Variants in DNAH7 observed in about 807,000 individuals in gnomAD.
DNAH7 encodes dynein axonemal heavy chain 7, also known as axonemal beta dynein heavy chain 7.
In DNAH7, 397 loss-of-function variants were observed where a neutral mutation model predicts 444.6. The observed-to-expected ratio is 0.89, with a 90% confidence interval of 0.82 to 0.97. The LOEUF is 0.97. Ranked by LOEUF, DNAH7 falls within the 50% of genes least tolerant of loss-of-function variation. The probability of loss-of-function intolerance (pLI) is 0.00; values close to 1 mark genes in which losing one functional copy is unlikely to be tolerated. For missense variants in DNAH7, 4,902 were observed against 4,800.8 expected, an observed-to-expected ratio of 1.02 and a Z score of -0.62; for synonymous variants, 1,636 against 1,624.4, an observed-to-expected ratio of 1.01 and a Z score of -0.17.
Position 195,906,933 on chromosome 2 carries a change from G to A in DNAH7, c.4181C>T (p.Ala1394Val). The A allele has an allele frequency of 1.2e-6, 2 of 1,612,922 alleles. No homozygotes were observed. The highest frequency in any genetic ancestry group is 2.2e-5 in the South Asian group (2 of 90,992). Reference sequence around the variant, plus strand: ...TCTTTGGATAGTAAGGATTTGTTGAGCAACCACAGAGAGTACTTCCAAATC... The same window carrying A: ...TCTTTGGATAGTAAGGATTTGTTGAACAACCACAGAGAGTACTTCCAAATC... ...RIDLEVLSVV[A>V]QQILTIQRGI... is the part of the protein sequence containing the mutation. The change falls in exon 26 of 65, where the codon GCT becomes GTT. Residue 1394 changes from alanine (A) to valine (V), a missense_variant. Coordinates refer to ENST00000312428, the MANE Select transcript of DNAH7 (RefSeq NM_018897.3).
intron 33 of DNAH7, 46 bp from the exon 34 acceptor site, chr2:195,886,318 A>G: frequency 6.5e-7 from 1 of 1,527,162 alleles, no homozygotes; most frequent in South Asian, 1.2e-5. Context: ...AAATTAGGTA[A>G]TAGCTAAAAT....
chr2:195,825,739 G>C (rs906801947), intron 48 of DNAH7, among the ~76,000 whole-genome samples: 12 of 152,296 alleles, frequency 7.9e-5, no homozygotes, highest in African/African-American at 2.9e-4. Flanking sequence ...TTGGATGATG[G>C]CATTTTGTAG....
At chr2:195,873,358 G>A (rs1171444846) in intron 39 of DNAH7, among the ~76,000 whole-genome samples, 1 of 152,088 alleles carries the variant, frequency 6.6e-6, no homozygotes, top group Admixed American at 6.5e-5. Flanking sequence ...TAACTCAAAC[G>A]TGAACATATT....
intron 63 of DNAH7, among the ~76,000 whole-genome samples, chr2:195,746,117 G>C (rs958727079): frequency 6.6e-5 from 10 of 152,160 alleles, no homozygotes; most frequent in Non-Finnish European, 1.5e-4. Flanking sequence ...CTCACGTGCA[G>C]AGACACATAG....
At chr2:196,002,690 G>A (rs1361305473) in intron 10 of DNAH7, among the ~76,000 whole-genome samples, 3 of 152,014 alleles carry the variant, frequency 2.0e-5, no homozygotes, top group African/African-American at 7.2e-5. Flanking sequence ...TACATACTAG[G>A]AACAGTGTTG....
intron 35 of DNAH7, among the ~76,000 whole-genome samples, chr2:195,883,164 C>A (rs1231439012): frequency 7.2e-5 from 11 of 151,998 alleles, no homozygotes; most frequent in Non-Finnish European, 8.8e-5. Flanking sequence ...ATCAGAAAAC[C>A]TGGCCGGGCA....
At chr2:196,032,964 T>C (rs1230262162) in intron 5 of DNAH7, among the ~76,000 whole-genome samples, 2 of 152,184 alleles carry the variant, frequency 1.3e-5, no homozygotes, top group African/African-American at 2.4e-5. Flanking sequence ...AAAAAGCAAC[T>C]AATGTAATAT....
At chr2:196,015,512 G>T (rs1242351702) in intron 9 of DNAH7, among the ~76,000 whole-genome samples, 1 of 151,980 alleles carries the variant, frequency 6.6e-6, no homozygotes, top group Non-Finnish European at 1.5e-5. Flanking sequence ...ACATTCTCTT[G>T]TGATCTTCAT....
chr2:195,992,607 C>T (rs1693419515), intron 12 of DNAH7, among the ~76,000 whole-genome samples: 1 of 152,206 alleles, frequency 6.6e-6, no homozygotes, highest in African/African-American at 2.4e-5. Context: ...GGGTCAGGCA[C>T]ATAGCATTTC....
At chr2:195,738,791 T>G (rs1574337056) in intron 64 of DNAH7, among the ~76,000 whole-genome samples, 1 of 152,314 alleles carries the variant, frequency 6.6e-6, no homozygotes, top group East Asian at 1.9e-4. Flanking sequence ...TAATTCAATT[T>G]ATTTTTCTGG....
At chr2:195,940,272 A>G (rs1284478188) in intron 19 of DNAH7, among the ~76,000 whole-genome samples, 3 of 152,018 alleles carry the variant, frequency 2.0e-5, no homozygotes, top group African/African-American at 7.3e-5. Context: ...AGCAATTGGG[A>G]AAAAAATCCC....
At chr2:195,964,160 T>G (rs983977817) in intron 17 of DNAH7, among the ~76,000 whole-genome samples, 2 of 152,076 alleles carry the variant, frequency 1.3e-5, no homozygotes, top group Non-Finnish European at 2.9e-5. Context: ...AATTTAGGAG[T>G]GTTTTTTCTA....
intron 57 of DNAH7, among the ~76,000 whole-genome samples, chr2:195,789,147 T>C (rs534662601): frequency 6.6e-6 from 1 of 152,234 alleles, no homozygotes; most frequent in East Asian, 1.9e-4. Flanking sequence ...GTACTACTGC[T>C]ACTAATCACC....
At position 195,876,619 on chromosome 2, in the gene DNAH7, T is replaced by C; in HGVS notation, c.6042A>G (p.Gln2014=). 3 of 1,613,614 alleles carry C rather than the reference T, an allele frequency of 1.9e-6. No individual in the cohort carries two copies. Among genetic ancestry groups the C allele is most frequent in the Non-Finnish European group, 1.7e-6 (2 of 1,179,610 alleles). The change falls in exon 37 of 65, where the codon CAA becomes CAG. Residue 2014 remains glutamine (Q), a synonymous_variant. Transcript: ENST00000312428. Reference sequence around the variant, plus strand: ...ATTTTGACATGACAATATTCTGAGTTTGAGCTGCTGTAGTTTGTGCTGAGA... The same window carrying C: ...ATTTTGACATGACAATATTCTGAGTCTGAGCTGCTGTAGTTTGTGCTGAGA... ...INFSAQTTAA[Q]TQNIVMSKLD...
At chr2:195,895,627 A>G (rs1179128062) in intron 29 of DNAH7, among the ~76,000 whole-genome samples, 2 of 152,260 alleles carry the variant, frequency 1.3e-5, no homozygotes, top group East Asian at 3.9e-4. Context: ...AAACCGTCAA[A>G]ATAACCAAGA....
chr2:195,950,466 A>T (rs1690147204), intron 19 of DNAH7, among the ~76,000 whole-genome samples: 1 of 151,508 alleles, frequency 6.6e-6, no homozygotes, highest in Non-Finnish European at 1.5e-5. Flanking sequence ...CCCCTTTATC[A>T]TTTTTTTTAT....
At chr2:195,828,094 A>G (rs1574506129) in intron 48 of DNAH7, among the ~76,000 whole-genome samples, 1 of 152,156 alleles carries the variant, frequency 6.6e-6, no homozygotes, top group African/African-American at 2.4e-5. Context: ...AGACATCATA[A>G]AACTTCAGCT....
At chr2:195,911,170 A>C (rs1687335559) in intron 24 of DNAH7, among the ~76,000 whole-genome samples, 1 of 152,216 alleles carries the variant, frequency 6.6e-6, no homozygotes, top group African/African-American at 2.4e-5. Flanking sequence ...TTATTATATA[A>C]ATGGCGTCCT....
chr2:195,947,721 A>C (rs1031998113), intron 19 of DNAH7, among the ~76,000 whole-genome samples: 11 of 151,932 alleles, frequency 7.2e-5, no homozygotes, highest in Admixed American at 2.6e-4. Context: ...GGTTCCAAGT[A>C]TTTGCTATTG....
Sources: allele counts gnomAD v4.1 joint callset (sites outside exome capture counted in the v4.1 genomes callset), GRCh38; gene constraint gnomAD v4.1.1; transcripts MANE v1.5; gene names NCBI Gene and HGNC (gene_info 2026-07-23, HGNC 2026-07-21).